DENND2C: variants seen among roughly 807,000 people sequenced by gnomAD.
DENND2C encodes the protein DENN domain-containing protein 2C.
In DENND2C, 72 loss-of-function variants were observed where a neutral mutation model predicts 112.4. The observed-to-expected ratio is 0.64, with a 90% CI of 0.53 to 0.78. The LOEUF (loss-of-function observed/expected upper bound fraction) is 0.78. Among genes scored for constraint, DENND2C ranks in the 30% least tolerant of loss-of-function variants. DENND2C has a pLI of 0.00. For missense variants in DENND2C, 992 were observed against 1,113.8 expected (o/e 0.89, Z 1.56); for synonymous variants, 329 against 381.6 (o/e 0.86, Z 1.61).
intron 1 of DENND2C, among the ~76,000 whole-genome samples, chr1:114,664,863 C>T (rs963371217): frequency 4.0e-5 from 6 of 150,522 alleles, no homozygotes; most frequent in African/African-American, 7.3e-5. Context: ...GAGGCCAAGG[C>T]GGGTGGATCA....
intron 20 of DENND2C, 64 bp downstream of exon 20, chr1:114,587,323 A>G: frequency 1.9e-6 from 3 of 1,564,040 alleles, no homozygotes; most frequent in South Asian, 2.2e-5. Context: ...CTGGAATTAC[A>G]GGCATGAGCC....
rs557442180 is a variant in DENND2C at position 114,628,152 on chromosome 1, AAAT to A, written c.-204-1967_-204-1965del. ...GAGACTTCATCTCTACTAAATAAAT[AAAT>A]AAATAAATAAAATTAGCTGTGCATG... On this transcript the variant is annotated intron_variant, in intron 3 of 20. Transcript: ENST00000393274. 2.4e-3 allele frequency among the ~76,000 whole-genome samples: 362 copies of A among 151,858 alleles called. 2 individuals are homozygous for A. The highest frequency in any genetic ancestry group is 4.0e-3 in the Non-Finnish European group (275 of 67,950).
At chr1:114,637,967 A>C (rs1253167736) in intron 3 of DENND2C, among the ~76,000 whole-genome samples, 3 of 152,186 alleles carry the variant, frequency 2.0e-5, no homozygotes, top group Non-Finnish European at 2.9e-5. Context: ...TTATAAGGAA[A>C]GGCAAAGAAT....
intron 4 of DENND2C, among the ~76,000 whole-genome samples, chr1:114,624,603 A>G (rs1403206592): frequency 4.9e-5 from 7 of 143,424 alleles, no homozygotes; most frequent in Non-Finnish European, 1.1e-4. Flanking sequence ...CCCAGCTCCT[A>G]TAGATTAATT....
intron 3 of DENND2C, among the ~76,000 whole-genome samples, chr1:114,633,621 T>C (rs548592525): frequency 2.9e-4 from 43 of 150,776 alleles, no homozygotes; most frequent in East Asian, 3.9e-4. Context: ...AAAAAAGGAA[T>C]GGCTAAGAAG....
chr1:114,655,867 TA>T (rs1657293531), intron 1 of DENND2C, among the ~76,000 whole-genome samples: 1 of 112,298 alleles, frequency 8.9e-6, no homozygotes, highest in Non-Finnish European at 1.7e-5. Flanking sequence ...AAAGAACTTT[TA>T]TATATATATG....
intron 18 of DENND2C, among the ~76,000 whole-genome samples, chr1:114,591,863 ATTATTATTATTATTATTT>A (rs1365677289): frequency 2.0e-5 from 2 of 99,362 alleles, no homozygotes; most frequent in Non-Finnish European, 2.9e-5. Flanking sequence ...AGTATCATTT[ATTATTATTATTATTATTT>A]TTATTATTAT....
chr1:114,623,165 C>A (rs1656214199), intron 5 of DENND2C, 66 bp from the exon 6 acceptor site: 4 of 1,441,822 alleles, frequency 2.8e-6, no homozygotes, highest in Admixed American at 2.1e-5. Context: ...CCACAGCTGG[C>A]AAAAGAAAGA....
chr1:114,657,863 A>G (rs1038127371), intron 1 of DENND2C, among the ~76,000 whole-genome samples: 7 of 152,198 alleles, frequency 4.6e-5, no homozygotes, highest in African/African-American at 1.7e-4. Flanking sequence ...AGGAGTCGCT[A>G]AAGAGGAGAG....
chr1:114,611,185 T>A, intron 8 of DENND2C, 68 bp from the exon 9 acceptor site: 1 of 1,574,696 alleles, frequency 6.4e-7, no homozygotes, highest in African/African-American at 1.3e-5. Flanking sequence ...ATGAGAACAA[T>A]GTAAACCCAC....
At chr1:114,637,369 C>CAA (rs71575188) in intron 3 of DENND2C, among the ~76,000 whole-genome samples, 50 of 127,700 alleles carry the variant, frequency 3.9e-4, no homozygotes, top group African/African-American at 1.4e-3. Context: ...GACTCTGTCT[C>CAA]AAAAAAAAAA....
Position 114,608,812 on chromosome 1 carries a change from G to A in DENND2C, c.1431C>T (p.Thr477=), listed in dbSNP as rs760013964. ...GTAATTCAATAAGATCCCGCTCCAA[G>A]GTCTGGTAGTGAGGATTCCTCTTGG... The part of the protein sequence containing the change: ...PSSKRNPHYQ[T]LERDLIELQE... The change falls in exon 10 of 21, where the codon ACC becomes ACT. Residue 477 remains threonine, a synonymous_variant. Coordinates refer to ENST00000393274, the MANE Select transcript of DENND2C (RefSeq NM_001256404.2). The A allele has an allele frequency of 6.2e-7, 1 of 1,614,196 alleles. No homozygotes were observed. The highest frequency in any genetic ancestry group is 1.7e-5 in the Admixed American group (1 of 60,020).
intron 3 of DENND2C, among the ~76,000 whole-genome samples, chr1:114,636,007 A>AAAAT (rs966763852): frequency 4.4e-4 from 67 of 151,328 alleles, no homozygotes; most frequent in African/African-American, 1.2e-3. Flanking sequence ...CTCCATCTCA[A>AAAAT]AAATAAATAA....
Position 114,583,093 on chromosome 1 carries a change from AATT to A in DENND2C, c.*2504_*2506del, listed in dbSNP as rs1358683060. 1.3e-5 allele frequency: 2 copies of A among 152,168 alleles called. No individual in the cohort carries two copies. Among genetic ancestry groups the A allele is most frequent in the African/African-American group, 4.8e-5 (2 of 41,422 alleles). 9.4% of individuals were successfully genotyped at this position (152,168 alleles called of 1,614,324 possible). ...TTTTACCCCCATTTTATAAACATCC[AATT>A]ATTAACTGTTCCTGCTGGGTTGGAG... On this transcript the variant is annotated 3_prime_UTR_variant, in exon 21 of 21. Coordinates refer to ENST00000393274, the MANE Select transcript of DENND2C (RefSeq NM_001256404.2).
chr1:114,619,187 TA>T (rs1433059466), intron 7 of DENND2C, among the ~76,000 whole-genome samples: 2 of 152,084 alleles, frequency 1.3e-5, no homozygotes, highest in African/African-American at 4.8e-5. Flanking sequence ...TGTGTGTGTG[TA>T]AGAGAAACAG....
chr1:114,629,323 G>A (rs1271603789), intron 3 of DENND2C, among the ~76,000 whole-genome samples: 1 of 152,142 alleles, frequency 6.6e-6, no homozygotes, highest in Non-Finnish European at 1.5e-5. Context: ...TGTTGCCCAG[G>A]CTGGAGTGCA....
intron 1 of DENND2C, among the ~76,000 whole-genome samples, chr1:114,661,239 G>T (rs1355172227): frequency 6.6e-6 from 1 of 151,980 alleles, no homozygotes; most frequent in Non-Finnish European, 1.5e-5. Flanking sequence ...TACCCATCTT[G>T]CAAGCACTGC....
intron 3 of DENND2C, among the ~76,000 whole-genome samples, chr1:114,631,054 A>G (rs1656474639): frequency 6.6e-6 from 1 of 152,234 alleles, no homozygotes; most frequent in Non-Finnish European, 1.5e-5. Context: ...TTACATGAAG[A>G]CAACTAAATC....
chr1:114,606,466 T>C (rs1426620164), intron 10 of DENND2C, among the ~76,000 whole-genome samples: 1 of 152,084 alleles, frequency 6.6e-6, no homozygotes, highest in Non-Finnish European at 1.5e-5. Flanking sequence ...AACCCAACAG[T>C]CCTAAAGTGG....
Sources: allele counts gnomAD v4.1 joint callset (sites outside exome capture counted in the v4.1 genomes callset), GRCh38; gene constraint gnomAD v4.1.1; transcripts MANE v1.5; gene names NCBI Gene and HGNC (gene_info 2026-07-23, HGNC 2026-07-21).